Variants in CNTN4 observed in about 807,000 individuals in gnomAD.
CNTN4 encodes contactin-4.
CNTN4 carries 77 observed loss-of-function variants against 122.5 expected under a neutral mutation model. The observed-to-expected ratio is 0.63, with a 90% confidence interval of 0.52 to 0.76. The LOEUF (loss-of-function observed/expected upper bound fraction) is 0.76. Among genes scored for constraint, CNTN4 ranks in the 30% least tolerant of loss-of-function variants. CNTN4 has a pLI of 0.00. For synonymous variants in CNTN4, 512 were observed against 447.0 expected (o/e 1.15, Z -1.83); for missense variants, 1,256 against 1,259.1 (o/e 1.00, Z 0.04).
rs988484438 is a variant in CNTN4 at position 2,575,121 on chromosome 3, A to G, written c.55+3563A>G. Among the ~76,000 whole-genome samples, 5 of 152,246 alleles carry G rather than the reference A, an allele frequency of 3.3e-5. No individual in the cohort carries two copies. In the East Asian group the frequency reaches 5.8e-4, roughly 18 times the overall value. On this transcript the variant is annotated intron_variant, in intron 4 of 24. Coordinates refer to ENST00000418658, the MANE Select transcript of CNTN4 (RefSeq NM_175607.3). ...AACATTTAAGGTTCTGGATATCCCA[A>G]TTATACAGATTTGATCTTTTCAAAT... is the stretch of plus-strand genomic sequence containing the variant.
intron 2 of CNTN4, among the ~76,000 whole-genome samples, chr3:2,302,021 T>G (rs1275507762): frequency 6.6e-6 from 1 of 152,260 alleles, no homozygotes. Flanking sequence ...TGTGTGTGTT[T>G]GTGTACAATT....
At chr3:3,011,253 T>C (rs547877730) in intron 14 of CNTN4, among the ~76,000 whole-genome samples, 17 of 152,290 alleles carry the variant, frequency 1.1e-4, no homozygotes, top group African/African-American at 4.1e-4. Flanking sequence ...TAAAGTATAT[T>C]TTTGGCTATG....
At chr3:2,601,294 GGT>G (rs2081035166) in intron 4 of CNTN4, among the ~76,000 whole-genome samples, 2 of 152,238 alleles carry the variant, frequency 1.3e-5, no homozygotes, top group South Asian at 4.1e-4. Context: ...TGTTCTGAAT[GGT>G]ATTGCCTAGG....
chr3:2,257,528 A>T (rs1280163581), intron 2 of CNTN4, among the ~76,000 whole-genome samples: 2 of 152,186 alleles, frequency 1.3e-5, no homozygotes. Flanking sequence ...AAATTTTTGC[A>T]ATCTATCCAT....
chr3:2,433,052 G>A lies in CNTN4; in HGVS notation c.-89+93819G>A, dbSNP rs559144986. Among the ~76,000 whole-genome samples, 4 of 151,910 alleles carry A rather than the reference G, an allele frequency of 2.6e-5. No homozygotes were observed. The East Asian group carries it at 5.8e-4, about 22-fold the overall frequency. ...TGCTCAAGTTGGTCTGGAACTCCTG[G>A]GCTCAAGCAATCCACCCACCTCAGC... On this transcript the variant is annotated intron_variant, in intron 3 of 24. Coordinates refer to ENST00000418658, the MANE Select transcript of CNTN4 (RefSeq NM_175607.3).
chr3:2,979,131 C>G (rs2125174805), intron 13 of CNTN4, among the ~76,000 whole-genome samples: 1 of 152,280 alleles, frequency 6.6e-6, no homozygotes, highest in East Asian at 1.9e-4. Flanking sequence ...GTGGACAGGA[C>G]TAGGCTGCAA....
intron 13 of CNTN4, among the ~76,000 whole-genome samples, chr3:2,975,042 C>A (rs781703520): frequency 1.3e-5 from 2 of 152,054 alleles, no homozygotes; most frequent in African/African-American, 4.8e-5. Flanking sequence ...ATTTTAGTTA[C>A]CAAGTGGTAA....
At chr3:2,469,367 C>A (rs1188651855) in intron 3 of CNTN4, among the ~76,000 whole-genome samples, 2 of 152,192 alleles carry the variant, frequency 1.3e-5, no homozygotes, top group African/African-American at 4.8e-5. Context: ...TGCAACTGAT[C>A]ATTTGATTTT....
intron 7 of CNTN4, among the ~76,000 whole-genome samples, chr3:2,831,273 A>G (rs2093098823): frequency 6.6e-6 from 1 of 152,234 alleles, no homozygotes; most frequent in Non-Finnish European, 1.5e-5. Context: ...GTATCTGTAT[A>G]TTAATCAATG....
intron 3 of CNTN4, among the ~76,000 whole-genome samples, chr3:2,513,938 G>A (rs1011539985): frequency 1.4e-4 from 22 of 152,114 alleles, no homozygotes; most frequent in Non-Finnish European, 2.2e-4. Context: ...TAAAGGAAAA[G>A]TCTTGAATTG....
intron 2 of CNTN4, among the ~76,000 whole-genome samples, chr3:2,143,494 A>C (rs920525239): frequency 3.3e-5 from 5 of 152,226 alleles, no homozygotes; most frequent in Non-Finnish European, 5.9e-5. Context: ...AGGTGATACT[A>C]TTCTCGATTT....
chr3:2,587,721 T>A (rs1459198480), intron 4 of CNTN4, among the ~76,000 whole-genome samples: 5 of 152,258 alleles, frequency 3.3e-5, no homozygotes, highest in Admixed American at 3.3e-4. Flanking sequence ...TCATATTATT[T>A]AAACTTGCTC....
chr3:2,340,317 A>G (rs571575367), intron 3 of CNTN4, among the ~76,000 whole-genome samples: 20 of 152,242 alleles, frequency 1.3e-4, no homozygotes, highest in African/African-American at 4.8e-4. Context: ...CCATTGGTAT[A>G]CATAAAATGC....
intron 2 of CNTN4, among the ~76,000 whole-genome samples, chr3:2,193,147 A>G (rs2037665475): frequency 6.6e-6 from 1 of 152,086 alleles, no homozygotes. Flanking sequence ...CCATAGTTCC[A>G]TCCCCTGAGA....
Position 2,943,612 on chromosome 3 carries a change from T to TTATA in CNTN4, c.1358+17849_1358+17852dup, listed in dbSNP as rs1241870460. 4.9e-3 allele frequency among the ~76,000 whole-genome samples: 608 copies of TTATA among 124,140 alleles called. 12 individuals carry two copies. The highest frequency in any genetic ancestry group is 0.017 in the Middle Eastern group (4 of 236). 81.4% of individuals were successfully genotyped at this position (124,140 alleles called of 152,430 possible). A position where few individuals can be genotyped will look rare whatever the true frequency, so the allele number is the denominator to read the frequency against. ...GTAATATATAAATATATAAATATAT[T>TTATA]TATATATATATATATATATTTTTTT... On this transcript the variant is annotated intron_variant, in intron 13 of 24. Transcript: ENST00000418658.
chr3:3,022,833 C>T (rs58814000), intron 14 of CNTN4, among the ~76,000 whole-genome samples: 3,473 of 152,206 alleles, frequency 0.023, 130 homozygotes, highest in African/African-American at 0.079. Context: ...TATGAACCAA[C>T]CACAAGTAGG....
At chr3:2,342,820 A>C (rs2044258594) in intron 3 of CNTN4, among the ~76,000 whole-genome samples, 1 of 152,190 alleles carries the variant, frequency 6.6e-6, no homozygotes, top group Non-Finnish European at 1.5e-5. Flanking sequence ...AGGTATGTCT[A>C]TTTTAGCAGC....
intron 2 of CNTN4, among the ~76,000 whole-genome samples, chr3:2,247,855 T>C (rs148083774): frequency 0.012 from 1,889 of 152,114 alleles, 23 homozygotes; most frequent in Middle Eastern, 0.031. Flanking sequence ...AACTTTCGTA[T>C]GTATTACTAT....
At chr3:2,147,867 T>A (rs1424039130) in intron 2 of CNTN4, among the ~76,000 whole-genome samples, 1 of 152,228 alleles carries the variant, frequency 6.6e-6, no homozygotes, top group Non-Finnish European at 1.5e-5. Flanking sequence ...TTTGCTTATG[T>A]TGTATCCTCT....
Sources: allele counts gnomAD v4.1 joint callset (sites outside exome capture counted in the v4.1 genomes callset), GRCh38; gene constraint gnomAD v4.1.1; transcripts MANE v1.5; gene names NCBI Gene and HGNC (gene_info 2026-07-23, HGNC 2026-07-21).